The following GPR84 variants were observed in gnomAD, a reference collection of about 807,000 sequenced individuals.
The protein encoded by GPR84 is G protein-coupled receptor 84, also known as G-protein coupled receptor 84.
Under a neutral mutation model 14.9 loss-of-function variants are expected in GPR84, and 8 were observed. The ratio of observed to expected loss-of-function variants is 0.54; its 90% CI spans 0.31 to 0.97. The LOEUF (loss-of-function observed/expected upper bound fraction) is 0.97. Ranked by LOEUF, GPR84 falls within the 50% of genes least tolerant of loss-of-function variation. The pLI, the probability that GPR84 is intolerant of heterozygous loss-of-function variation, is 0.04. For missense variants in GPR84, 424 were observed against 498.7 expected (o/e 0.85, Z 1.43); for synonymous variants, 164 against 198.1 (o/e 0.83, Z 1.45).
chr12:54,355,265 G>T, the GPR84 span, among the ~76,000 whole-genome samples: 894 of 151,982 alleles, frequency 5.9e-3, 9 homozygotes, highest in African/African-American at 0.02. Flanking sequence ...ACTAGGGAGG[G>T]GCCAGGCAAA....
chr12:54,355,947 A>G, the GPR84 span, among the ~76,000 whole-genome samples: 1 of 152,330 alleles, frequency 6.6e-6, no homozygotes, highest in East Asian at 1.9e-4. Flanking sequence ...AGAGAAGAGT[A>G]TGACCCTGAG....
At position 54,363,284 on chromosome 12, in the gene GPR84, C is replaced by A. The variant is rs766899348; in HGVS notation, c.568G>T (p.Gly190Trp). The change falls in exon 2 of 2, where the codon GGG (glycine) becomes TGG (tryptophan). Residue 190 changes from glycine to tryptophan, a missense_variant. By Grantham distance (184) the Gly-to-Trp change is radical. Transcript: ENST00000267015. ...TILMGIYFVLGLSSVGIFYCL... is the reference protein window; with the variant it reads ...TILMGIYFVLWLSSVGIFYCL... The stretch of plus-strand genomic sequence containing the variant: ...TAGAAGATGCCAACACTGCTGAGCC[C>A]AAGCACAAAGTAGATGCCCATGAGG... 3.1e-6 allele frequency: 5 copies of A among 1,614,136 alleles called. No individual in the cohort carries two copies. Among genetic ancestry groups the A allele is most frequent in the Non-Finnish European group, 2.5e-6 (3 of 1,180,032 alleles).
chr12:54,352,321 C>A, the GPR84 span, among the ~76,000 whole-genome samples: 5 of 152,160 alleles, frequency 3.3e-5, no homozygotes, highest in African/African-American at 1.2e-4. Flanking sequence ...TTTCCCCGTC[C>A]CTCCAGAGCC....
downstream of GPR84, among the ~76,000 whole-genome samples, chr12:54,358,049 G>A (rs977346190): frequency 2.0e-5 from 3 of 152,152 alleles, no homozygotes; most frequent in Non-Finnish European, 4.4e-5. Flanking sequence ...GAATGTGTGG[G>A]TGGGGCCTTG....
At chr12:54,357,327 G>T in the GPR84 span, among the ~76,000 whole-genome samples, 3 of 152,290 alleles carry the variant, frequency 2.0e-5, no homozygotes, top group Non-Finnish European at 4.4e-5. Context: ...GGGCATGGGG[G>T]ATGGGGGCGA....
chr12:54,351,605 A>G, the GPR84 span: 1 of 151,852 alleles, frequency 6.6e-6, no homozygotes, highest in Non-Finnish European at 1.5e-5. Context: ...TGGAATACTC[A>G]CTCTTGGGTC....
the GPR84 span, among the ~76,000 whole-genome samples, chr12:54,356,706 G>C: frequency 6.6e-6 from 1 of 152,204 alleles, no homozygotes; most frequent in Non-Finnish European, 1.5e-5. Context: ...GAAACTGAGG[G>C]ATCTGGGAGT....
downstream of GPR84, among the ~76,000 whole-genome samples, chr12:54,357,960 T>C (rs929174946): frequency 6.6e-6 from 1 of 152,146 alleles, no homozygotes; most frequent in African/African-American, 2.4e-5. Context: ...CTCTACAGGA[T>C]AGTCAACCCC....
the GPR84 span, chr12:54,351,151 G>T: frequency 6.5e-6 from 1 of 154,590 alleles, no homozygotes; most frequent in Non-Finnish European, 1.4e-5. Flanking sequence ...TATTGAACAG[G>T]GCATATAAAA....
chr12:54,357,804 AG>A (rs1328290517), downstream of GPR84, among the ~76,000 whole-genome samples: 1 of 152,172 alleles, frequency 6.6e-6, no homozygotes, highest in Non-Finnish European at 1.5e-5. Flanking sequence ...TTAAGGGGAC[AG>A]GGGGGAAATG....
At chr12:54,357,906 C>T (rs149909995), downstream of GPR84, among the ~76,000 whole-genome samples, 10 of 152,278 alleles carry the variant, frequency 6.6e-5, no homozygotes, top group African/African-American at 2.4e-4. Context: ...CCCCTATCTG[C>T]CTTCAATCCT....
Position 54,363,671 on chromosome 12 carries a change from T to C in GPR84, c.181A>G (p.Asn61Asp). ...TAGAGGAGATCAGCCAGTGTGAGGT[T>C]GGCTATGAGCAGGTTGAATCGGGTA... ...LRTRFNLLIA[N>D]LTLADLLYCT... The change falls in exon 2 of 2, where the codon AAC becomes GAC. Residue 61 changes from asparagine to aspartate, a missense_variant. By Grantham distance (23) the Asn-to-Asp change is conservative. Transcript: ENST00000267015. 6.2e-7 allele frequency: 1 copy of C among 1,614,040 alleles called. No individual in the cohort carries two copies. Among genetic ancestry groups the C allele is most frequent in the African/African-American group, 1.3e-5 (1 of 75,026 alleles).
chr12:54,360,946 C>T (rs1282921351), downstream of GPR84, among the ~76,000 whole-genome samples: 1 of 152,230 alleles, frequency 6.6e-6, no homozygotes, highest in East Asian at 1.9e-4. Context: ...TGGGTCTCTA[C>T]TCCCTGGTCA....
At chr12:54,358,636 T>C (rs540205348), downstream of GPR84, among the ~76,000 whole-genome samples, 11 of 152,276 alleles carry the variant, frequency 7.2e-5, no homozygotes, top group African/African-American at 2.6e-4. Context: ...TCAGTCTGGA[T>C]AGTGAGATTT....
downstream of GPR84, chr12:54,362,418 T>A: frequency 2.3e-6 from 1 of 431,774 alleles, no homozygotes. The surrounding 1 kb of genome is among the most constrained non-coding windows in gnomAD (Gnocchi z 4.0). Flanking sequence ...ACCTGTTTCC[T>A]TCTTCCCCAG....
At chr12:54,352,112 C>T in the GPR84 span, among the ~76,000 whole-genome samples, 2 of 152,170 alleles carry the variant, frequency 1.3e-5, no homozygotes, top group Non-Finnish European at 2.9e-5. Flanking sequence ...TCCCCCATCA[C>T]CCCCAAAGCC....
chr12:54,364,162 C>T, intron 1 of GPR84: 1 of 241,708 alleles, frequency 4.1e-6, no homozygotes, highest in Non-Finnish European at 8.1e-6. Flanking sequence ...TCCCGCTGCT[C>T]TCAGTAAACC....
At chr12:54,355,309 A>G in the GPR84 span, among the ~76,000 whole-genome samples, 2 of 144,030 alleles carry the variant, frequency 1.4e-5, no homozygotes, top group Non-Finnish European at 1.5e-5. Flanking sequence ...CCCTCATGCC[A>G]TAAGTCCTGT....
the GPR84 span, among the ~76,000 whole-genome samples, chr12:54,355,380 T>G: frequency 6.6e-6 from 1 of 151,730 alleles, no homozygotes; most frequent in Admixed American, 6.6e-5. Context: ...CACAGGGGTC[T>G]GCGGTATGGA....
Sources: gnomAD v4.1 joint callset for allele counts (sites outside exome capture counted in the v4.1 genomes callset) on GRCh38, gnomAD v4.1.1 for gene constraint, Gnocchi (gnomAD v3.1) non-coding constraint, MANE v1.5 for transcripts, NCBI Gene and HGNC (gene_info 2026-07-23, HGNC 2026-07-21) for gene names.